CLSPN: variants seen among roughly 807,000 people sequenced by gnomAD.
CLSPN encodes claspin homolog.
In CLSPN, 85 loss-of-function variants were observed where a neutral mutation model predicts 156.3. The ratio of observed to expected loss-of-function variants is 0.54; its 90% CI spans 0.46 to 0.65. The LOEUF (loss-of-function observed/expected upper bound fraction) is 0.65. Ranked by LOEUF, CLSPN falls within the 30% of genes least tolerant of loss-of-function variation. The pLI is 0.00. For missense variants in CLSPN, 1,407 were observed against 1,554.9 expected (o/e 0.90, Z 1.60); for synonymous variants, 534 against 542.4 (o/e 0.98, Z 0.22).
Position 35,753,827 on chromosome 1 carries a change from A to G in CLSPN, c.1689T>C (p.Asp563=), listed in dbSNP as rs776595417. The change falls in exon 9 of 25, where the codon GAT becomes GAC. Residue 563 remains aspartate (D), a synonymous_variant. Transcript: ENST00000318121. ...CATCTGCTTTTAGCTCTTCCTTTCCATCAGTGCCCATGTCTTTCACTATGA... is the reference window on the plus strand; with the variant it reads ...CATCTGCTTTTAGCTCTTCCTTTCCGTCAGTGCCCATGTCTTTCACTATGA... ...VNVIVKDMGT[D]GKEELKADVV... is the part of the protein sequence containing the mutation. The G allele has an allele frequency of 6.2e-7, 1 of 1,614,186 alleles. No individual in the cohort carries two copies. Among genetic ancestry groups the G allele is most frequent in the Non-Finnish European group, 8.5e-7 (1 of 1,180,040 alleles).
Position 35,751,453 on chromosome 1 carries a change from T to G in CLSPN, c.1825A>C (p.Arg609=). The change falls in exon 10 of 25, where the codon AGG becomes CGG. Residue 609 remains arginine (R), a synonymous_variant. Transcript: ENST00000318121. Reference sequence around the variant, plus strand: ...TGGCGCTTCTGGCGCTCCTCAAACCTTCGGAGTTTCATTGCTTCTTGCAGT... The same window carrying G: ...TGGCGCTTCTGGCGCTCCTCAAACCGTCGGAGTTTCATTGCTTCTTGCAGT... ...AKLQEAMKLR[R]FEERQKRQAL... The G allele has an allele frequency of 6.2e-7, 1 of 1,614,090 alleles. No homozygotes were observed. Among genetic ancestry groups the G allele is most frequent in the Non-Finnish European group, 8.5e-7 (1 of 1,180,006 alleles).
chr1:35,746,710 T>C lies in CLSPN; in HGVS notation c.2854+56A>G. ...ACCCCACCCGCCCAGGGAATTCTTT[T>C]CAAGGGCACTGATACTTGGGTGTGG... On this transcript the variant is annotated intron_variant, in intron 15 of 24. Coordinates refer to ENST00000318121, the MANE Select transcript of CLSPN (RefSeq NM_022111.4). The surrounding 1 kb of genome is among the most constrained non-coding windows in gnomAD (Gnocchi z 4.2). The C allele has an allele frequency of 1.6e-6, 2 of 1,247,070 alleles. No homozygotes were observed. Among genetic ancestry groups the C allele is most frequent in the African/African-American group, 1.5e-5 (1 of 67,778 alleles). 77.3% of individuals were successfully genotyped at this position (1,247,070 alleles called of 1,614,324 possible).
Position 35,738,454 on chromosome 1 carries a change from C to T in CLSPN, c.3558+1G>A. The T allele has an allele frequency of 6.2e-7, 1 of 1,613,690 alleles. No homozygotes were observed. The highest frequency in any genetic ancestry group is 8.5e-7 in the Non-Finnish European group (1 of 1,179,710). On this transcript the variant is annotated splice_donor_variant, in intron 21 of 24. Transcript: ENST00000318121. LOFTEE classifies it high-confidence loss of function. ...TAGGGTCAGAGTAGGTGAACTCCTACCATGTCCCGAAGCCACTGCTCTCGT... is the reference window on the plus strand; with the variant it reads ...TAGGGTCAGAGTAGGTGAACTCCTATCATGTCCCGAAGCCACTGCTCTCGT...
chr1:35,729,637 A>G (rs1438390527), downstream of CLSPN, among the ~76,000 whole-genome samples: 1 of 152,162 alleles, frequency 6.6e-6, no homozygotes, highest in Non-Finnish European at 1.5e-5. Context: ...CTATCTCCCC[A>G]GTTCACTGGA....
Position 35,732,195 on chromosome 1 carries a change from G to C in CLSPN, c.*4301C>G. The C allele has an allele frequency of 1.0e-6, 1 of 985,350 alleles. No individual in the cohort carries two copies. Among genetic ancestry groups the C allele is most frequent in the Non-Finnish European group, 1.2e-6 (1 of 829,896 alleles). 61.0% of individuals were successfully genotyped at this position (985,350 alleles called of 1,614,324 possible). ...GTGCCAGGCGATGAGTAGGATATAA[G>C]GGTAGAAGATACAATACCATCTCAA... On this transcript the variant is annotated 3_prime_UTR_variant, in exon 25 of 25. Coordinates refer to ENST00000318121, the MANE Select transcript of CLSPN (RefSeq NM_022111.4).
chr1:35,746,751 C>A lies in CLSPN; in HGVS notation c.2854+15G>T. On this transcript the variant is annotated intron_variant, in intron 15 of 24. Coordinates refer to ENST00000318121, the MANE Select transcript of CLSPN (RefSeq NM_022111.4). This position sits in a 1 kb window ranked among gnomAD's most constrained non-coding sequence, Gnocchi z 4.2. ...TTGGGTGTGGTAAGCTTGATACTCTCGGTTGGATATTTACCCTGAGAAGTG... is the reference window on the plus strand; with the variant it reads ...TTGGGTGTGGTAAGCTTGATACTCTAGGTTGGATATTTACCCTGAGAAGTG... 6.5e-7 allele frequency: 1 copy of A among 1,549,796 alleles called. No individual in the cohort carries two copies. The highest frequency in any genetic ancestry group is 2.2e-5 in the East Asian group (1 of 44,584).
chr1:35,761,057 AT>A, intron 7 of CLSPN, 38 bp downstream of exon 7: 2 of 1,500,372 alleles, frequency 1.3e-6, no homozygotes, highest in Non-Finnish European at 1.9e-6. Flanking sequence ...ACAAAACTAA[AT>A]GTTCATGAAA....
chr1:35,753,130 T>A (rs1384110983), intron 9 of CLSPN, among the ~76,000 whole-genome samples: 1 of 152,222 alleles, frequency 6.6e-6, no homozygotes, highest in East Asian at 1.9e-4. Flanking sequence ...TCTCACTCTC[T>A]CGCCTAGGCT....
chr1:35,757,356 G>C (rs1014666899), intron 8 of CLSPN, among the ~76,000 whole-genome samples: 3 of 152,188 alleles, frequency 2.0e-5, no homozygotes, highest in Middle Eastern at 3.2e-3. Context: ...ATGAATGAAT[G>C]AATGAATGTT....
At chr1:35,727,364 C>T (rs1171857645), downstream of CLSPN, among the ~76,000 whole-genome samples, 11 of 152,140 alleles carry the variant, frequency 7.2e-5, no homozygotes. Flanking sequence ...GCTAAGAAGG[C>T]CAGGCCGTTA....
At chr1:35,768,723 C>G (rs542882818) in intron 1 of CLSPN, among the ~76,000 whole-genome samples, 1 of 152,190 alleles carries the variant, frequency 6.6e-6, no homozygotes, top group South Asian at 2.1e-4. Flanking sequence ...TGATGATCCT[C>G]TCAACAATCC....
In CLSPN at chr1:35,764,613, T is replaced by G. The variant is rs151308070; in HGVS notation, c.235A>C (p.Thr79Pro). The G allele has an allele frequency of 1.2e-6, 2 of 1,613,262 alleles. No individual in the cohort carries two copies. Among genetic ancestry groups the G allele is most frequent in the South Asian group, 1.1e-5 (1 of 90,774 alleles). The change falls in exon 3 of 25, where the codon ACT becomes CCT. Residue 79 changes from threonine (T) to proline (P), a missense_variant. Physicochemically the swap from Thr to Pro is conservative, Grantham distance 38. Coordinates refer to ENST00000318121, the MANE Select transcript of CLSPN (RefSeq NM_022111.4). ...TEDTNASPEK[T>P]TYDSAEEENK... The stretch of plus-strand genomic sequence containing the variant: ...TCCTCCTCGGCACTGTCATAGGTAG[T>G]TTTCTCTGGAGAGGCATTTGTGTCC...
At chr1:35,742,200 G>A (rs975039033) in intron 18 of CLSPN, among the ~76,000 whole-genome samples, 2 of 152,114 alleles carry the variant, frequency 1.3e-5, no homozygotes, top group Non-Finnish European at 2.9e-5. Flanking sequence ...GAGGATTTAA[G>A]TTAAAAAGTG....
In CLSPN at chr1:35,738,129, T is replaced by G. The variant is rs756692761; in HGVS notation, c.3559-32A>C. On this transcript the variant is annotated intron_variant, in intron 21 of 24. Transcript: ENST00000318121. ...AAAAAAAAAAATATATATATATATATATATATATATACAGCATTAAAAGTC... is the reference window on the plus strand; with the variant it reads ...AAAAAAAAAAATATATATATATATAGATATATATATACAGCATTAAAAGTC... 8 of 646,024 alleles carry G rather than the reference T, an allele frequency of 1.2e-5. No individual in the cohort carries two copies. In the South Asian group the frequency reaches 1.9e-4, roughly 16 times the overall value. The allele number at this position is 646,024 out of a possible 1,614,324, so 40.0% of individuals were successfully genotyped here.
intron 1 of CLSPN, among the ~76,000 whole-genome samples, chr1:35,769,103 C>T (rs1316018879): frequency 6.6e-6 from 1 of 152,070 alleles, no homozygotes; most frequent in African/African-American, 2.4e-5. Context: ...ATATTTTGTT[C>T]AATATCAAAT....
At chr1:35,769,739 A>T in intron 1 of CLSPN, 108 bp downstream of exon 1, 1 of 1,068,478 alleles carries the variant, frequency 9.4e-7, no homozygotes, top group Non-Finnish European at 1.3e-6. Context: ...CGGGAGCCGC[A>T]GTCCTCCCGC....
rs1223706024 is a variant in CLSPN, at chr1:35,733,877, A to AGGTT, written c.*2615_*2618dup. 1.0e-5 allele frequency: 6 copies of AGGTT among 575,412 alleles called. No homozygotes were observed. The highest frequency in any genetic ancestry group is 1.1e-5 in the Non-Finnish European group (5 of 455,892). 35.6% of individuals were successfully genotyped at this position (575,412 alleles called of 1,614,324 possible). A position where few individuals can be genotyped will look rare whatever the true frequency, so the allele number is the denominator to read the frequency against. Reference sequence around the variant, plus strand: ...CTGTAATGTGGCCCAGCTATTCCAAAGGTTGAGGAAGGAGGATGCTGAAGC... The same window carrying AGGTT: ...CTGTAATGTGGCCCAGCTATTCCAAAGGTTGGTTGAGGAAGGAGGATGCTGAAGC... On this transcript the variant is annotated 3_prime_UTR_variant, in exon 25 of 25. Coordinates refer to ENST00000318121, the MANE Select transcript of CLSPN (RefSeq NM_022111.4).
chr1:35,769,734 G>A, intron 1 of CLSPN, 113 bp downstream of exon 1: 1 of 1,025,514 alleles, frequency 9.8e-7, no homozygotes, highest in Non-Finnish European at 1.3e-6. Flanking sequence ...AACGCCGGGA[G>A]CCGCAGTCCT....
At chr1:35,728,077 CTTTTTTTTTTTTT>C (rs59275877), downstream of CLSPN, among the ~76,000 whole-genome samples, 2 of 103,982 alleles carry the variant, frequency 1.9e-5, no homozygotes, top group South Asian at 6.4e-4. Context: ...AAACCACAAG[CTTTTTTTTTTTTT>C]TTTTTTTTCT....
Sources: allele counts gnomAD v4.1 joint callset (sites outside exome capture counted in the v4.1 genomes callset), GRCh38; gene constraint gnomAD v4.1.1; non-coding constraint Gnocchi (gnomAD v3.1); transcripts MANE v1.5; gene names NCBI Gene and HGNC (gene_info 2026-07-23, HGNC 2026-07-21).